EPAS1: variants seen among roughly 807,000 people sequenced by gnomAD.
EPAS1 encodes endothelial PAS domain protein 1, also known as endothelial PAS domain-containing protein 1.
Under a neutral mutation model 87.9 loss-of-function variants are expected in EPAS1, and 23 were observed. The observed-to-expected ratio is 0.26, with a 90% CI of 0.19 to 0.37. The LOEUF is 0.37. EPAS1 is among the 10% of genes least tolerant of loss of function. EPAS1 has a pLI of 1.00. For missense variants in EPAS1, 1,138 were observed against 1,120.7 expected, an observed-to-expected ratio of 1.02 and a Z score of -0.22; for synonymous variants, 508 against 444.3, an observed-to-expected ratio of 1.14 and a Z score of -1.80.
chr2:46,319,415 A>G (rs566871526), intron 1 of EPAS1, among the ~76,000 whole-genome samples: 155 of 152,276 alleles, frequency 1.0e-3, no homozygotes, highest in African/African-American at 3.6e-3. Context: ...GACACAATCT[A>G]TATCTTTAAA....
chr2:46,379,296 AGGGAG>A (rs1684827906), intron 11 of EPAS1, among the ~76,000 whole-genome samples: 1 of 152,234 alleles, frequency 6.6e-6, no homozygotes, highest in South Asian at 2.1e-4. Context: ...GATAAGGTAG[AGGGAG>A]GGGTACGTGT....
intron 1 of EPAS1, among the ~76,000 whole-genome samples, chr2:46,322,003 A>G (rs533308772): frequency 8.6e-4 from 131 of 152,258 alleles, no homozygotes; most frequent in Non-Finnish European, 1.1e-3. Context: ...GGCTGGATCT[A>G]TCCTGTATAA....
intron 1 of EPAS1, among the ~76,000 whole-genome samples, chr2:46,321,159 TCAC>T (rs1683448525): frequency 6.6e-6 from 1 of 152,258 alleles, no homozygotes. Flanking sequence ...CTGGCTTATT[TCAC>T]TTAGCATAAT....
rs541961914 is a variant in EPAS1 at position 46,354,267 on chromosome 2, T to C, written c.218-1884T>C. ...GCATTCTACATTCCTTAGAATAGTCTCCATTTGGAAGACTCCTTTTAGTTC... is the reference window on the plus strand; with the variant it reads ...GCATTCTACATTCCTTAGAATAGTCCCCATTTGGAAGACTCCTTTTAGTTC... On this transcript the variant is annotated intron_variant, in intron 2 of 15. Transcript: ENST00000263734. Among the ~76,000 whole-genome samples, 4 of 152,320 alleles carry C rather than the reference T, an allele frequency of 2.6e-5. No individual in the cohort carries two copies. In the East Asian group the frequency reaches 7.7e-4, roughly 29 times the overall value.
At chr2:46,345,241 G>A (rs1355867155) in intron 1 of EPAS1, among the ~76,000 whole-genome samples, 1 of 152,030 alleles carries the variant, frequency 6.6e-6, no homozygotes, top group African/African-American at 2.4e-5. Context: ...GGGACTACAG[G>A]TCCAAATACT....
At chr2:46,310,240 G>C (rs1683184550) in intron 1 of EPAS1, among the ~76,000 whole-genome samples, 1 of 151,810 alleles carries the variant, frequency 6.6e-6, no homozygotes, top group African/African-American at 2.4e-5. Context: ...TATTTGATAA[G>C]GTTCTCTTTC....
In EPAS1 at chr2:46,297,794, G is replaced by C; in HGVS notation, c.-118G>C. 1 of 1,394,506 alleles carries C rather than the reference G, an allele frequency of 7.2e-7. No individual in the cohort carries two copies. The highest frequency in any genetic ancestry group is 1.2e-5 in the South Asian group (1 of 80,764). 86.4% of individuals were successfully genotyped at this position (1,394,506 alleles called of 1,614,324 possible). The stretch of plus-strand genomic sequence containing the variant: ...TGCGCGGGGCGCTCGGGACCTGCGC[G>C]CACCTCGGACCTTCACCACCCGCCC... On this transcript the variant is annotated 5_prime_UTR_variant, in exon 1 of 16. Coordinates refer to ENST00000263734, the MANE Select transcript of EPAS1 (RefSeq NM_001430.5).
chr2:46,343,479 C>T (rs1386532870), intron 1 of EPAS1, among the ~76,000 whole-genome samples: 1 of 152,228 alleles, frequency 6.6e-6, no homozygotes, highest in Non-Finnish European at 1.5e-5. Flanking sequence ...CCCAGAAGAA[C>T]TAGGTTTGAG....
intron 4 of EPAS1, among the ~76,000 whole-genome samples, chr2:46,357,832 T>C (rs2103631233): frequency 6.6e-6 from 1 of 152,320 alleles, no homozygotes; most frequent in East Asian, 1.9e-4. Context: ...AGAAAGCACG[T>C]TGCAATGGTT....
At position 46,327,219 on chromosome 2, in the gene EPAS1, C is replaced by A. The variant is rs79821080; in HGVS notation, c.27-19654C>A. Reference sequence around the variant, plus strand: ...TTCATGGTTGAATATGTATTAAATGCCTGCTGTGTGCCCAATATTGTGTTG... The same window carrying A: ...TTCATGGTTGAATATGTATTAAATGACTGCTGTGTGCCCAATATTGTGTTG... On this transcript the variant is annotated intron_variant, in intron 1 of 15. Transcript: ENST00000263734. Among the ~76,000 whole-genome samples the A allele has an allele frequency of 2.6e-5, 4 of 152,182 alleles. No individual in the cohort carries two copies. The East Asian group carries it at 7.7e-4, about 29-fold the overall frequency.
At position 46,346,072 on chromosome 2, in the gene EPAS1, G is replaced by A. The variant is rs1438711881; in HGVS notation, c.27-801G>A. Among the ~76,000 whole-genome samples the A allele has an allele frequency of 2.0e-5, 3 of 152,184 alleles. No individual in the cohort carries two copies. Among genetic ancestry groups the A allele is most frequent in the African/African-American group, 4.8e-5 (2 of 41,430 alleles). ...ACATTCTGGCTTTTAAATATTGCCC[G>A]TGCTAGAACTTGCCATGGACTTTAT... is the stretch of plus-strand genomic sequence containing the variant. On this transcript the variant is annotated intron_variant, in intron 1 of 15. Coordinates refer to ENST00000263734, the MANE Select transcript of EPAS1 (RefSeq NM_001430.5). The surrounding 1 kb of genome is among the most constrained non-coding windows in gnomAD (Gnocchi z 4.0).
At chr2:46,369,788 G>C (rs1280545437) in intron 6 of EPAS1, 39 bp from the exon 7 acceptor site, 2 of 1,493,586 alleles carry the variant, frequency 1.3e-6, no homozygotes, top group East Asian at 2.3e-5. Flanking sequence ...AAGTTAATAT[G>C]GTCTTTCTTC....
chr2:46,313,751 C>A (rs1176454803), intron 1 of EPAS1, among the ~76,000 whole-genome samples: 1 of 152,154 alleles, frequency 6.6e-6, no homozygotes, highest in Non-Finnish European at 1.5e-5. Context: ...GTGACCAGCC[C>A]CACATGTCAT....
intron 1 of EPAS1, chr2:46,335,829 G>A (rs1440549257): frequency 6.6e-6 from 1 of 152,214 alleles, no homozygotes; most frequent in African/African-American, 2.4e-5. Context: ...GATATCCAGA[G>A]GTGACGCTGG....
intron 2 of EPAS1, among the ~76,000 whole-genome samples, chr2:46,354,217 G>T (rs1684223834): frequency 6.6e-6 from 1 of 152,182 alleles, no homozygotes; most frequent in East Asian, 1.9e-4. Context: ...ATGTGTCCCT[G>T]GCCAAGTGGC....
rs144524360 is a variant in EPAS1 at position 46,308,644 on chromosome 2, G to A, written c.26+10707G>A. On this transcript the variant is annotated intron_variant, in intron 1 of 15. Transcript: ENST00000263734. ...GAAAAAGGAAAAGAAAAAATTTGGG[G>A]GACCACAGTCAGGTCTTATTGATAC... is the stretch of plus-strand genomic sequence containing the variant. 1.4e-4 allele frequency among the ~76,000 whole-genome samples: 22 copies of A among 152,178 alleles called. 1 individual carries two copies. The East Asian group carries it at 4.0e-3, about 28-fold the overall frequency.
In EPAS1 at chr2:46,356,239, G is replaced by A. The variant is rs747651076; in HGVS notation, c.306G>A (p.Val102=). 6.2e-6 allele frequency: 10 copies of A among 1,613,254 alleles called. No individual in the cohort carries two copies. The highest frequency in any genetic ancestry group is 8.5e-6 in the Non-Finnish European group (10 of 1,179,692). ...LKALEGFIAV[V]TQDGDMIFLS... ...CCTTGGAGGGTTTCATTGCCGTGGT[G>A]ACCCAAGATGGCGACATGATCTTTC... Residue 102 remains valine, a synonymous_variant, in exon 3 of 16, where the codon GTG becomes GTA. Coordinates refer to ENST00000263734, the MANE Select transcript of EPAS1 (RefSeq NM_001430.5).
chr2:46,383,829 C>T (rs772922182), intron 15 of EPAS1, among the ~76,000 whole-genome samples: 1 of 152,168 alleles, frequency 6.6e-6, no homozygotes, highest in African/African-American at 2.4e-5. Flanking sequence ...TGGACCCCAG[C>T]AAGGATCTGA....
intron 7 of EPAS1, among the ~76,000 whole-genome samples, chr2:46,374,333 G>A (rs754449575): frequency 5.9e-5 from 9 of 152,058 alleles, no homozygotes; most frequent in Admixed American, 2.6e-4. Flanking sequence ...ATCTACCAAC[G>A]TGTAACAGAC....
Sources: gnomAD v4.1 joint callset for allele counts (sites outside exome capture counted in the v4.1 genomes callset) on GRCh38, gnomAD v4.1.1 for gene constraint, Gnocchi (gnomAD v3.1) non-coding constraint, MANE v1.5 for transcripts, NCBI Gene and HGNC (gene_info 2026-07-23, HGNC 2026-07-21) for gene names.